TXLNB: variants seen among roughly 807,000 people sequenced by gnomAD.
The protein encoded by TXLNB is beta-taxilin.
TXLNB carries 37 observed loss-of-function variants against 57.4 expected under a neutral mutation model. The ratio of observed to expected loss-of-function variants is 0.64; its 90% CI spans 0.50 to 0.85. The LOEUF (loss-of-function observed/expected upper bound fraction) is 0.85, where lower values mean the gene tolerates loss of function less well. Ranked by LOEUF, TXLNB falls within the 40% of genes least tolerant of loss-of-function variation. The pLI, the probability that TXLNB is intolerant of heterozygous loss-of-function variation, is 0.00. For synonymous variants in TXLNB, 302 were observed against 309.6 expected (o/e 0.98, Z 0.26); for missense variants, 848 against 825.6 (o/e 1.03, Z -0.33).
At chr6:139,175,189 A>C in the TXLNB span, among the ~76,000 whole-genome samples, 2 of 152,228 alleles carry the variant, frequency 1.3e-5, no homozygotes, top group Non-Finnish European at 2.9e-5. Context: ...TAACCTATAG[A>C]ATCACAGGAG....
chr6:139,232,523 T>C, the TXLNB span, among the ~76,000 whole-genome samples: 1 of 152,244 alleles, frequency 6.6e-6, no homozygotes, highest in Non-Finnish European at 1.5e-5. Context: ...ACTCTGACTT[T>C]GAAATTTTCT....
the TXLNB span, among the ~76,000 whole-genome samples, chr6:139,320,340 A>C: frequency 3.3e-3 from 501 of 152,298 alleles, 2 homozygotes; most frequent in African/African-American, 0.011. Context: ...TCTGTTTCCA[A>C]ATAATTTCTG....
chr6:139,179,056 A>G, the TXLNB span: 1 of 152,210 alleles, frequency 6.6e-6, no homozygotes, highest in Non-Finnish European at 1.5e-5. Context: ...AATGCCTATA[A>G]GAAGTAGAAA....
At chr6:139,240,002 G>A (rs947403152), downstream of TXLNB, 7 of 151,406 alleles carry the variant, frequency 4.6e-5, no homozygotes, top group Non-Finnish European at 1.0e-4. Context: ...AAACATAGAA[G>A]TAATAAAAAC....
the TXLNB span, among the ~76,000 whole-genome samples, chr6:139,205,572 GA>G: frequency 6.6e-6 from 1 of 151,632 alleles, no homozygotes; most frequent in East Asian, 1.9e-4. Context: ...ACAAGTAGAA[GA>G]AAGAATTTCA....
At chr6:139,184,038 T>G in the TXLNB span, among the ~76,000 whole-genome samples, 471 of 152,310 alleles carry the variant, frequency 3.1e-3, 1 homozygote, top group Middle Eastern at 0.014. Flanking sequence ...TTCAGAGAGC[T>G]GCACATTGTT....
At chr6:139,309,598 T>C in the TXLNB span, among the ~76,000 whole-genome samples, 1 of 152,122 alleles carries the variant, frequency 6.6e-6, no homozygotes, top group Non-Finnish European at 1.5e-5. Context: ...AAAGCAGAAT[T>C]CATCGTTAAT....
chr6:139,217,231 C>T, the TXLNB span, among the ~76,000 whole-genome samples: 24 of 152,052 alleles, frequency 1.6e-4, no homozygotes, highest in Admixed American at 1.2e-3. Flanking sequence ...TGCGCTTACA[C>T]ATTTAGTACT....
At chr6:139,194,166 C>T in the TXLNB span, among the ~76,000 whole-genome samples, 1 of 152,098 alleles carries the variant, frequency 6.6e-6, no homozygotes, top group Non-Finnish European at 1.5e-5. Context: ...TGGTCTTGAT[C>T]TCTTGTCCTC....
At chr6:139,239,312 A>G (rs1054320900), downstream of TXLNB, 1 of 152,158 alleles carries the variant, frequency 6.6e-6, no homozygotes, top group Non-Finnish European at 1.5e-5. The surrounding 1 kb of genome is among the most constrained non-coding windows in gnomAD (Gnocchi z 4.7). Flanking sequence ...TTCCTCCAGG[A>G]GGACGCACGG....
At chr6:139,206,833 G>A in the TXLNB span, among the ~76,000 whole-genome samples, 5 of 152,210 alleles carry the variant, frequency 3.3e-5, no homozygotes, top group Admixed American at 2.0e-4. Flanking sequence ...AACCAAAAGC[G>A]AGCAGCAGTA....
upstream of TXLNB, among the ~76,000 whole-genome samples, chr6:139,294,130 A>T (rs1021221282): frequency 6.6e-6 from 1 of 152,234 alleles, no homozygotes; most frequent in Non-Finnish European, 1.5e-5. Flanking sequence ...AAATTTTAAA[A>T]TGTATACATT....
chr6:139,299,999 G>GTTCATTTTTCTC, the TXLNB span, among the ~76,000 whole-genome samples: 113 of 152,076 alleles, frequency 7.4e-4, no homozygotes, highest in Non-Finnish European at 2.8e-4. Context: ...TAACTATAAG[G>GTTCATTTTTCTC]TTCATTTTTC....
At chr6:139,198,763 C>T in the TXLNB span, among the ~76,000 whole-genome samples, 1 of 152,142 alleles carries the variant, frequency 6.6e-6, no homozygotes, top group African/African-American at 2.4e-5. Flanking sequence ...CTCAGCAGCC[C>T]TTCCTCCCAG....
the TXLNB span, among the ~76,000 whole-genome samples, chr6:139,233,415 A>C: frequency 5.1e-5 from 1 of 19,754 alleles, no homozygotes; most frequent in South Asian, 2.0e-3. Flanking sequence ...ATAAATTTAT[A>C]TATATATAAA....
At chr6:139,320,081 A>T in the TXLNB span, among the ~76,000 whole-genome samples, 1 of 152,190 alleles carries the variant, frequency 6.6e-6, no homozygotes, top group Non-Finnish European at 1.5e-5. Context: ...AATTTGTTAA[A>T]GTTATTAAAA....
chr6:139,209,739 T>C, the TXLNB span, among the ~76,000 whole-genome samples: 1 of 152,180 alleles, frequency 6.6e-6, no homozygotes, highest in African/African-American at 2.4e-5. Flanking sequence ...AAGACTTAAA[T>C]GTAAGACCTG....
At chr6:139,196,783 T>G in the TXLNB span, among the ~76,000 whole-genome samples, 5 of 152,292 alleles carry the variant, frequency 3.3e-5, no homozygotes, top group South Asian at 1.0e-3. Context: ...AGATAGCAGT[T>G]TCTAAGACAT....
intron 2 of TXLNB, among the ~76,000 whole-genome samples, chr6:139,285,560 T>C (rs1197660538): frequency 6.9e-6 from 1 of 145,216 alleles, no homozygotes; most frequent in Non-Finnish European, 1.5e-5. Context: ...ACTTTGGAAC[T>C]TGAAGATACT....
Sources: gnomAD v4.1 joint callset for allele counts (sites outside exome capture counted in the v4.1 genomes callset) on GRCh38, gnomAD v4.1.1 for gene constraint, Gnocchi (gnomAD v3.1) non-coding constraint, MANE v1.5 for transcripts, NCBI Gene and HGNC (gene_info 2026-07-23, HGNC 2026-07-21) for gene names.